TRPV4: variants seen among roughly 807,000 people sequenced by gnomAD.
The protein encoded by TRPV4 is OSM9-like transient receptor potential channel 4.
TRPV4 carries 58 observed loss-of-function variants against 84.1 expected under a neutral mutation model. The ratio of observed to expected loss-of-function variants is 0.69; its 90% CI spans 0.56 to 0.86. The LOEUF (loss-of-function observed/expected upper bound fraction) is 0.86. TRPV4 is among the 40% of genes least tolerant of loss of function. TRPV4 has a pLI of 0.00. For missense variants in TRPV4, 879 were observed against 1,181.1 expected, an observed-to-expected ratio of 0.74 and a Z score of 3.75; for synonymous variants, 489 against 500.9, an observed-to-expected ratio of 0.98 and a Z score of 0.32.
intron 3 of TRPV4, among the ~76,000 whole-genome samples, chr12:109,804,225 G>T (rs774443632): frequency 6.6e-6 from 1 of 152,156 alleles, no homozygotes; most frequent in Admixed American, 6.5e-5. Flanking sequence ...TTCTGTTGTA[G>T]CTATTTTTAT....
At chr12:109,833,100 T>C (rs569142539) in intron 1 of TRPV4, among the ~76,000 whole-genome samples, 1 of 152,188 alleles carries the variant, frequency 6.6e-6, no homozygotes, top group African/African-American at 2.4e-5. Context: ...CCAGACCTGC[T>C]ACCCCAGGCC....
chr12:109,786,910 T>TGAGACAACG lies in TRPV4; in HGVS notation c.2209-82_2209-74dup, dbSNP rs1889723301. The TGAGACAACG allele has an allele frequency of 6.2e-7, 1 of 1,604,936 alleles. No homozygotes were observed. The highest frequency in any genetic ancestry group is 1.3e-5 in the African/African-American group (1 of 74,820). ...GCGCCTGCCGCTCTGGTGGCAGAAATGAGACAACGGGCCAGGGTGGGCCCA... is the reference window on the plus strand; with the variant it reads ...GCGCCTGCCGCTCTGGTGGCAGAAATGAGACAACGGAGACAACGGGCCAGGGTGGGCCCA... On this transcript the variant is annotated intron_variant, in intron 13 of 15. Coordinates refer to ENST00000261740, the MANE Select transcript of TRPV4 (RefSeq NM_021625.5). The surrounding 1 kb of genome is among the most constrained non-coding windows in gnomAD (Gnocchi z 4.5).
chr12:109,802,571 G>A (rs966260102), intron 4 of TRPV4, among the ~76,000 whole-genome samples: 3 of 151,602 alleles, frequency 2.0e-5, no homozygotes, highest in African/African-American at 4.8e-5. Flanking sequence ...CAAAGTGCTG[G>A]GATTACAGGT....
At chr12:109,809,916 C>T (rs912319518) in intron 2 of TRPV4, among the ~76,000 whole-genome samples, 7 of 152,216 alleles carry the variant, frequency 4.6e-5, no homozygotes, top group African/African-American at 7.2e-5. Flanking sequence ...GCCCACCACA[C>T]GGTAAACATT....
At chr12:109,807,102 C>A (rs1351459527) in intron 3 of TRPV4, among the ~76,000 whole-genome samples, 2 of 151,900 alleles carry the variant, frequency 1.3e-5, no homozygotes, top group Non-Finnish European at 2.9e-5. Flanking sequence ...CATGGAGCGA[C>A]CCCGTCTCTA....
intron 1 of TRPV4, chr12:109,832,860 G>A (rs537018372): frequency 0.012 from 1,874 of 149,932 alleles, 31 homozygotes; most frequent in Middle Eastern, 0.035. Context: ...AGAACTAGAG[G>A]TTAAAGATTT....
At chr12:109,820,516 A>ATTTT (rs1166251387) in intron 1 of TRPV4, among the ~76,000 whole-genome samples, 46 of 92,394 alleles carry the variant, frequency 5.0e-4, no homozygotes, top group Non-Finnish European at 6.3e-4. Flanking sequence ...CAGCTGCCCT[A>ATTTT]TTTTTTTTTT....
chr12:109,789,882 G>A (rs1220223857), intron 12 of TRPV4, among the ~76,000 whole-genome samples: 1 of 152,324 alleles, frequency 6.6e-6, no homozygotes, highest in Admixed American at 6.5e-5. Context: ...CAAAGTGTGG[G>A]AACAGAAGCA....
intron 1 of TRPV4, among the ~76,000 whole-genome samples, chr12:109,827,235 C>T (rs1048589253): frequency 2.6e-5 from 4 of 152,136 alleles, no homozygotes; most frequent in Non-Finnish European, 5.9e-5. Flanking sequence ...GGACAACTAT[C>T]GTGAGCCCAT....
chr12:109,786,848 G>A lies in TRPV4; in HGVS notation c.2209-11C>T. On this transcript the variant is annotated splice_polypyrimidine_tract_variant and intron_variant, in intron 13 of 15. Coordinates refer to ENST00000261740, the MANE Select transcript of TRPV4 (RefSeq NM_021625.5). The surrounding 1 kb of genome is among the most constrained non-coding windows in gnomAD (Gnocchi z 4.5). Reference sequence around the variant, plus strand: ...GATGGTGGTGGCCCACTGCGGGGAGGGAGGGTCAGGAGGGACATCGGTGAG... The same window carrying A: ...GATGGTGGTGGCCCACTGCGGGGAGAGAGGGTCAGGAGGGACATCGGTGAG... The A allele has an allele frequency of 6.2e-7, 1 of 1,613,726 alleles. No homozygotes were observed. Among genetic ancestry groups the A allele is most frequent in the South Asian group, 1.1e-5 (1 of 91,076 alleles).
chr12:109,813,694 T>A (rs1431616130), intron 2 of TRPV4, among the ~76,000 whole-genome samples: 1 of 152,042 alleles, frequency 6.6e-6, no homozygotes, highest in Non-Finnish European at 1.5e-5. Context: ...GGATGATGAA[T>A]AGATGGATGG....
At position 109,794,444 on chromosome 12, in the gene TRPV4, A is replaced by C. The variant is rs201132615; in HGVS notation, c.1376T>G (p.Leu459Arg). The C allele has an allele frequency of 8.7e-6, 14 of 1,614,092 alleles. No individual in the cohort carries two copies. In the Admixed American group the frequency reaches 2.3e-4, roughly 27 times the overall value. The change falls in exon 8 of 16, where the codon CTG becomes CGG. Residue 459 changes from leucine (L) to arginine (R), a missense_variant. This residue lies in a region of TRPV4 where 521 missense variants were observed against 686.6 expected (regional missense o/e 0.76). Coordinates refer to ENST00000261740, the MANE Select transcript of TRPV4 (RefSeq NM_021625.5). ...CCCGAACTTGCGCCACTTGTCCCGC[A>C]GCAGTTCATTGATGGGCTCCACAGC... ...MLAVEPINEL[L>R]RDKWRKFGAV...
rs1476266786 is a variant in TRPV4, at chr12:109,814,437, G to A, written c.360C>T (p.Asn120=). ...YGTYRHHSSD[N]KRWRKKIIEK... ...CTATGATCTTCTTCCTCCACCTCTTGTTGTCACTGGAGTGGTGACGATAGG... is the reference window on the plus strand; with the variant it reads ...CTATGATCTTCTTCCTCCACCTCTTATTGTCACTGGAGTGGTGACGATAGG... Residue 120 remains asparagine (N), a synonymous_variant, in exon 2 of 16, where the codon AAC becomes AAT. Coordinates refer to ENST00000261740, the MANE Select transcript of TRPV4 (RefSeq NM_021625.5). This position sits in a 1 kb window ranked among gnomAD's most constrained non-coding sequence, Gnocchi z 5.4. 4 of 1,614,156 alleles carry A rather than the reference G, an allele frequency of 2.5e-6. No individual in the cohort carries two copies. The highest frequency in any genetic ancestry group is 2.5e-6 in the Non-Finnish European group (3 of 1,180,018).
chr12:109,809,166 TCATC>T (rs1891349517), intron 2 of TRPV4, among the ~76,000 whole-genome samples: 1 of 121,044 alleles, frequency 8.3e-6, no homozygotes, highest in Admixed American at 8.2e-5. Context: ...CATCCATCAC[TCATC>T]CATCCATCCA....
At position 109,829,990 on chromosome 12, in the gene TRPV4, A is replaced by AT. The variant is rs565376705; in HGVS notation, c.-32+3359dup. On this transcript the variant is annotated intron_variant, in intron 1 of 15. Coordinates refer to ENST00000261740, the MANE Select transcript of TRPV4 (RefSeq NM_021625.5). Reference sequence around the variant, plus strand: ...GCTACCACGTTCGGCTAATTTTTGTATTTTTTCTAGAGACAGAGTTTCACC... The same window carrying AT: ...GCTACCACGTTCGGCTAATTTTTGTATTTTTTTCTAGAGACAGAGTTTCACC... Among the ~76,000 whole-genome samples, 531 of 152,114 alleles carry AT rather than the reference A, an allele frequency of 3.5e-3. 6 individuals carry two copies. Among genetic ancestry groups the AT allele is most frequent in the African/African-American group, 0.012 (516 of 41,496 alleles).
At chr12:109,803,714 C>T (rs1404393659) in intron 3 of TRPV4, among the ~76,000 whole-genome samples, 1 of 152,178 alleles carries the variant, frequency 6.6e-6, no homozygotes, top group Non-Finnish European at 1.5e-5. Flanking sequence ...CCACCTCAGC[C>T]TCCCAAAGTG....
Position 109,815,111 on chromosome 12 carries a change from C to G in TRPV4, c.-31-284G>C, listed in dbSNP as rs1055438747. 1.3e-5 allele frequency among the ~76,000 whole-genome samples: 2 copies of G among 152,196 alleles called. No homozygotes were observed. Among genetic ancestry groups the G allele is most frequent in the Non-Finnish European group, 2.9e-5 (2 of 68,036 alleles). ...GTGGACTTCAGGGTCAAGCTGGGAC[C>G]CCATACTTGGATCCCAGACCCTACT... is the stretch of plus-strand genomic sequence containing the variant. On this transcript the variant is annotated intron_variant, in intron 1 of 15. Transcript: ENST00000261740. This position sits in a 1 kb window ranked among gnomAD's most constrained non-coding sequence, Gnocchi z 4.1.
Position 109,814,806 on chromosome 12 carries a change from A to C in TRPV4, c.-10T>G, listed in dbSNP as rs1891766303. 1.3e-6 allele frequency: 2 copies of C among 1,537,958 alleles called. No individual in the cohort carries two copies. Among genetic ancestry groups the C allele is most frequent in the Admixed American group, 2.0e-5 (1 of 51,008 alleles). ...CGCTGGAATCCGCCATGCCTGCCCC[A>C]GGCCCGTCTGCACTGCTCAGCCTGC... On this transcript the variant is annotated 5_prime_UTR_variant, in exon 2 of 16. Transcript: ENST00000261740. The surrounding 1 kb of genome is among the most constrained non-coding windows in gnomAD (Gnocchi z 5.4).
At position 109,788,502 on chromosome 12, in the gene TRPV4, G is replaced by A. The variant is rs373961067; in HGVS notation, c.2106C>T (p.Tyr702=). 15 of 1,614,142 alleles carry A rather than the reference G, an allele frequency of 9.3e-6. No individual in the cohort carries two copies. Among genetic ancestry groups the A allele is most frequent in the Middle Eastern group, 1.6e-4 (1 of 6,084 alleles). The stretch of plus-strand genomic sequence containing the variant: ...GGAGCAGCACAAAGGTGAGGATGAT[G>A]TAGGTCACCAGCAGGATGATGAAGA... The part of the protein sequence containing the change: ...PVVFIILLVT[Y]IILTFVLLLN... Residue 702 remains tyrosine, a synonymous_variant, in exon 13 of 16, where the codon TAC becomes TAT. Transcript: ENST00000261740.
Sources: allele counts gnomAD v4.1 joint callset (sites outside exome capture counted in the v4.1 genomes callset), GRCh38; gene constraint gnomAD v4.1.1; regional missense constraint gnomAD v4.1.1; non-coding constraint Gnocchi (gnomAD v3.1); transcripts MANE v1.5; gene names NCBI Gene and HGNC (gene_info 2026-07-23, HGNC 2026-07-21).